Variants in TNKS observed in about 807,000 individuals in gnomAD.
TNKS encodes poly [ADP-ribose] polymerase tankyrase-1.
In TNKS, 72 loss-of-function variants were observed where a neutral mutation model predicts 135.8. That is an observed-to-expected ratio of 0.53 (90% CI 0.44 to 0.64). The LOEUF (loss-of-function observed/expected upper bound fraction) is 0.64. Ranked by LOEUF, TNKS falls within the 30% of genes least tolerant of loss-of-function variation. TNKS has a pLI of 0.00. For synonymous variants in TNKS, 849 were observed against 649.3 expected (o/e 1.31, Z -4.68); for missense variants, 1,769 against 1,674.0 (o/e 1.06, Z -0.99).
chr8:9,660,695 C>T (rs1256009561), intron 3 of TNKS, among the ~76,000 whole-genome samples: 2 of 152,172 alleles, frequency 1.3e-5, no homozygotes, highest in Non-Finnish European at 2.9e-5. Context: ...GTTGCCCTCT[C>T]TCACCAGTCC....
intron 3 of TNKS, among the ~76,000 whole-genome samples, chr8:9,663,423 G>C (rs776108438): frequency 1.3e-5 from 2 of 151,944 alleles, no homozygotes; most frequent in Non-Finnish European, 2.9e-5. Flanking sequence ...CCTCTTTTTT[G>C]TTTTACTGCT....
At chr8:9,775,223 T>A (rs948837414) in intron 26 of TNKS, among the ~76,000 whole-genome samples, 1 of 151,982 alleles carries the variant, frequency 6.6e-6, no homozygotes, top group Middle Eastern at 3.2e-3. Flanking sequence ...GTAAACCATT[T>A]CAAAAATTAA....
chr8:9,652,774 CTG>C (rs1268606442), intron 3 of TNKS, among the ~76,000 whole-genome samples: 2 of 152,098 alleles, frequency 1.3e-5, no homozygotes, highest in Non-Finnish European at 2.9e-5. Flanking sequence ...TAGAGTTTTT[CTG>C]TGAGTCAAAC....
At chr8:9,664,495 G>A (rs1036339000) in intron 3 of TNKS, among the ~76,000 whole-genome samples, 2 of 152,148 alleles carry the variant, frequency 1.3e-5, no homozygotes, top group African/African-American at 4.8e-5. Flanking sequence ...ACATTTGGAA[G>A]GCACAAACAT....
At chr8:9,666,221 A>T (rs954613899) in intron 3 of TNKS, among the ~76,000 whole-genome samples, 2 of 152,196 alleles carry the variant, frequency 1.3e-5, no homozygotes, top group African/African-American at 4.8e-5. Flanking sequence ...ACACGTTGAA[A>T]TGGTAATATT....
chr8:9,666,719 TA>T lies in TNKS; in HGVS notation c.995-13216del, dbSNP rs749333851. Among the ~76,000 whole-genome samples the T allele has an allele frequency of 7.0e-3, 919 of 130,864 alleles. 2 individuals carry two copies. The highest frequency in any genetic ancestry group is 0.011 in the South Asian group (46 of 4,090). The allele number at this position is 130,864 out of a possible 152,430, so 85.9% of individuals were successfully genotyped here. On this transcript the variant is annotated intron_variant, in intron 3 of 26. Coordinates refer to ENST00000310430, the MANE Select transcript of TNKS (RefSeq NM_003747.3). Reference sequence around the variant, plus strand: ...CTGGGCGACAGAGTGAGACTCTATCTAAAAAAAAAAAAAAAAGTAAAATACA... The same window carrying T: ...CTGGGCGACAGAGTGAGACTCTATCTAAAAAAAAAAAAAAAGTAAAATACA...
chr8:9,700,150 C>G (rs886887350), intron 5 of TNKS, among the ~76,000 whole-genome samples: 10 of 152,240 alleles, frequency 6.6e-5, no homozygotes, highest in African/African-American at 2.4e-4. Flanking sequence ...CTGAACTCCC[C>G]TTCCATGGGA....
rs1041274409 is a variant in TNKS, at chr8:9,640,958, C to G, written c.994+25281C>G. ...TTGCCCCTCATTTTCTAATAGCATC[C>G]AATCCAGAACAAACATCTACCTCCT... On this transcript the variant is annotated intron_variant, in intron 3 of 26. Transcript: ENST00000310430. Among the ~76,000 whole-genome samples the G allele has an allele frequency of 6.2e-5, 9 of 145,808 alleles. 1 individual carries two copies. The highest frequency in any genetic ancestry group is 2.3e-4 in the African/African-American group (9 of 39,360).
intron 25 of TNKS, 96 bp from the exon 26 acceptor site, chr8:9,770,010 T>G: frequency 9.0e-7 from 1 of 1,105,784 alleles, no homozygotes; most frequent in South Asian, 1.8e-5. Flanking sequence ...TTAGCTTGCC[T>G]TATGTTAAAT....
chr8:9,735,718 T>C (rs1351663470), intron 17 of TNKS, among the ~76,000 whole-genome samples: 4 of 152,000 alleles, frequency 2.6e-5, no homozygotes, highest in African/African-American at 9.7e-5. Context: ...GAGAATGGCA[T>C]GAACCCGGGA....
intron 3 of TNKS, among the ~76,000 whole-genome samples, chr8:9,620,347 C>T (rs1225663222): frequency 1.3e-5 from 2 of 152,186 alleles, no homozygotes; most frequent in Non-Finnish European, 2.9e-5. Context: ...ACCATCCTCA[C>T]TGCTTTAGCC....
At chr8:9,569,982 C>T (rs1485349405) in intron 1 of TNKS, among the ~76,000 whole-genome samples, 1 of 152,042 alleles carries the variant, frequency 6.6e-6, no homozygotes, top group African/African-American at 2.4e-5. Flanking sequence ...ATTGCTTCTC[C>T]TATTCTGAGA....
intron 11 of TNKS, among the ~76,000 whole-genome samples, chr8:9,712,907 A>G (rs986544472): frequency 6.6e-6 from 1 of 152,142 alleles, no homozygotes; most frequent in African/African-American, 2.4e-5. Flanking sequence ...AATAATCATG[A>G]AATCTTTTTA....
intron 1 of TNKS, among the ~76,000 whole-genome samples, chr8:9,570,618 CT>C (rs1797721088): frequency 6.6e-6 from 1 of 152,220 alleles, no homozygotes; most frequent in Admixed American, 6.5e-5. Flanking sequence ...AACAAAGGGC[CT>C]CAATCCTCTA....
intron 11 of TNKS, among the ~76,000 whole-genome samples, chr8:9,716,986 T>A (rs1804633207): frequency 6.7e-6 from 1 of 149,116 alleles, no homozygotes; most frequent in African/African-American, 2.5e-5. Context: ...TAGTCTATAA[T>A]CACTTTTGCT....
intron 1 of TNKS, among the ~76,000 whole-genome samples, chr8:9,561,575 T>C (rs1797332466): frequency 6.6e-6 from 1 of 152,206 alleles, no homozygotes; most frequent in Non-Finnish European, 1.5e-5. Flanking sequence ...ATTATATGAA[T>C]ATGCTGCAGT....
At chr8:9,703,117 G>C (rs374810895) in intron 5 of TNKS, among the ~76,000 whole-genome samples, 2 of 152,128 alleles carry the variant, frequency 1.3e-5, no homozygotes, top group African/African-American at 4.8e-5. Context: ...TCAGGAGCCC[G>C]GTAGATGCCT....
intron 1 of TNKS, among the ~76,000 whole-genome samples, chr8:9,561,527 G>A (rs943629859): frequency 2.0e-5 from 3 of 152,138 alleles, no homozygotes; most frequent in Admixed American, 6.5e-5. Flanking sequence ...ATTTTGTAAC[G>A]TGTATCAGTA....
chr8:9,671,665 C>G (rs1802275616), intron 3 of TNKS, among the ~76,000 whole-genome samples: 1 of 152,250 alleles, frequency 6.6e-6, no homozygotes, highest in South Asian at 2.1e-4. Flanking sequence ...TGTTTCCTGT[C>G]TTGAAGTGTA....
Sources: allele counts gnomAD v4.1 joint callset (sites outside exome capture counted in the v4.1 genomes callset), GRCh38; gene constraint gnomAD v4.1.1; transcripts MANE v1.5; gene names NCBI Gene and HGNC (gene_info 2026-07-23, HGNC 2026-07-21).